IL7: variants seen among roughly 807,000 people sequenced by gnomAD.
The protein encoded by IL7 is interleukin-7.
A neutral mutation model predicts 21.6 loss-of-function variants in IL7; 3 were observed. The ratio of observed to expected loss-of-function variants is 0.14; its 90% CI spans 0.06 to 0.36. IL7 has a LOEUF of 0.36. Ranked by LOEUF, IL7 falls within the 10% of genes least tolerant of loss-of-function variation. The pLI, the probability that IL7 is intolerant of heterozygous loss-of-function variation, is 1.00. For missense variants in IL7, 175 were observed against 200.2 expected (o/e 0.87, Z 0.76); for synonymous variants, 62 against 68.1 (o/e 0.91, Z 0.44).
chr8:78,780,042 C>G (rs1455766301), intron 2 of IL7, among the ~76,000 whole-genome samples: 1 of 152,066 alleles, frequency 6.6e-6, no homozygotes, highest in Non-Finnish European at 1.5e-5. Flanking sequence ...TTATGGTATT[C>G]TCTGATGGTT....
At chr8:78,710,878 C>T (rs968962299) in intron 3 of IL7, among the ~76,000 whole-genome samples, 3 of 152,062 alleles carry the variant, frequency 2.0e-5, no homozygotes, top group African/African-American at 7.2e-5. Flanking sequence ...AACAAAATGC[C>T]TGCTATGTAT....
chr8:78,755,104 A>T (rs1263962222), intron 2 of IL7, among the ~76,000 whole-genome samples: 1 of 151,880 alleles, frequency 6.6e-6, no homozygotes, highest in Non-Finnish European at 1.5e-5. Flanking sequence ...TTTCCCATGT[A>T]TGTTCTTTCA....
At chr8:78,675,676 T>A, downstream of IL7, 10 of 1,019,360 alleles carry the variant, frequency 9.8e-6, no homozygotes, top group South Asian at 1.7e-4. Context: ...CAGTAAAACA[T>A]TTTTCACAAA....
At chr8:78,785,372 A>G (rs1387149611) in intron 2 of IL7, among the ~76,000 whole-genome samples, 3 of 152,064 alleles carry the variant, frequency 2.0e-5, no homozygotes, top group South Asian at 2.1e-4. Context: ...ACTGTTTGGT[A>G]TTTGTATTTT....
rs188735718 is a variant in IL7, at chr8:78,750,532, C to G, written c.148-10450G>C. 2.4e-3 allele frequency among the ~76,000 whole-genome samples: 369 copies of G among 152,240 alleles called. 2 individuals carry two copies. Among genetic ancestry groups the G allele is most frequent in the African/African-American group, 8.3e-3 (344 of 41,558 alleles). On this transcript the variant is annotated intron_variant, in intron 2 of 5. Transcript: ENST00000263851. ...TCAGAACAGAAATCTTTTTAAAAGT[C>G]TATGATTGAGGCCAGGCGTGGTGGC...
intron 3 of IL7, among the ~76,000 whole-genome samples, chr8:78,700,559 C>A (rs561102357): frequency 5.9e-5 from 9 of 152,148 alleles, no homozygotes; most frequent in African/African-American, 2.2e-4. Flanking sequence ...CTTTTGGCAT[C>A]TTCATTATAA....
intron 4 of IL7, among the ~76,000 whole-genome samples, chr8:78,682,996 T>A (rs1435126484): frequency 1.3e-5 from 2 of 152,228 alleles, no homozygotes; most frequent in Non-Finnish European, 2.9e-5. Flanking sequence ...TTTGACTCCA[T>A]GTCTCACATC....
downstream of IL7, among the ~76,000 whole-genome samples, chr8:78,714,630 C>T (rs921113124): frequency 2.0e-5 from 3 of 152,064 alleles, no homozygotes; most frequent in African/African-American, 7.2e-5. Flanking sequence ...CTTAAAGTTT[C>T]AAAATGGAGA....
chr8:78,762,211 A>G, intron 2 of IL7: 3 of 1,585,056 alleles, frequency 1.9e-6, no homozygotes, highest in Non-Finnish European at 2.6e-6. Flanking sequence ...CTGTCCTATA[A>G]GGACCAGTTC....
chr8:78,775,029 A>G (rs1215028469), intron 2 of IL7, among the ~76,000 whole-genome samples: 1 of 152,150 alleles, frequency 6.6e-6, no homozygotes, highest in Non-Finnish European at 1.5e-5. Flanking sequence ...CCATTCTTTA[A>G]CTTGTGTAAA....
chr8:78,689,664 A>G (rs1481960774), intron 3 of IL7, among the ~76,000 whole-genome samples: 2 of 151,938 alleles, frequency 1.3e-5, no homozygotes, highest in Non-Finnish European at 2.9e-5. Flanking sequence ...ATATATATGT[A>G]TACATGTTTT....
chr8:78,675,979 A>G (rs1453568877), exon 5 of IL7: 1 of 784,826 alleles, frequency 1.3e-6, no homozygotes, highest in Non-Finnish European at 2.0e-6. Context: ...GTTAATGGGT[A>G]CTATTCTTTG....
chr8:78,704,463 T>C (rs944478991), intron 3 of IL7, among the ~76,000 whole-genome samples: 1 of 151,200 alleles, frequency 6.6e-6, no homozygotes, highest in African/African-American at 2.4e-5. Flanking sequence ...CACTGAGAGG[T>C]CTGCTGTTAG....
At position 78,804,893 on chromosome 8, in the gene IL7, C is replaced by G. The variant is rs1814262876; in HGVS notation, c.10+20G>C. ...CGCGTCGGGCGCGCGAACTTGTGCG[C>G]AAGGGAGAAGAGCGCTTACCATGGA... On this transcript the variant is annotated intron_variant, in intron 1 of 5. Transcript: ENST00000263851. The G allele has an allele frequency of 6.2e-7, 1 of 1,612,940 alleles. No individual in the cohort carries two copies.
At chr8:78,796,947 G>A (rs9942766) in intron 2 of IL7, among the ~76,000 whole-genome samples, 26,043 of 151,856 alleles carry the variant, frequency 0.17, 3,252 homozygotes, top group African/African-American at 0.34. Flanking sequence ...AACCCTGCAC[G>A]TATATGTTTA....
intron 2 of IL7, among the ~76,000 whole-genome samples, chr8:78,788,722 T>G (rs1813592428): frequency 6.6e-6 from 1 of 152,206 alleles, no homozygotes; most frequent in Admixed American, 6.5e-5. Flanking sequence ...AAGTATTTTA[T>G]AACTGTCAAT....
At chr8:78,726,136 G>A (rs1237671998) in intron 3 of IL7, among the ~76,000 whole-genome samples, 1 of 151,910 alleles carries the variant, frequency 6.6e-6, no homozygotes. Flanking sequence ...TAGATAGAGT[G>A]TTCAGGGATG....
At chr8:78,687,502 T>G (rs1384923144) in intron 3 of IL7, among the ~76,000 whole-genome samples, 1 of 142,944 alleles carries the variant, frequency 7.0e-6, no homozygotes, top group Non-Finnish European at 1.5e-5. Context: ...GTTTATATAA[T>G]AAATTATATA....
At chr8:78,695,199 G>A (rs1007432339) in intron 3 of IL7, among the ~76,000 whole-genome samples, 33 of 152,270 alleles carry the variant, frequency 2.2e-4, no homozygotes, top group Middle Eastern at 3.4e-3. Flanking sequence ...ATATAAGTAA[G>A]GTTGTTCTAG....
Sources: allele counts gnomAD v4.1 joint callset (sites outside exome capture counted in the v4.1 genomes callset), GRCh38; gene constraint gnomAD v4.1.1; transcripts MANE v1.5; gene names NCBI Gene and HGNC (gene_info 2026-07-23, HGNC 2026-07-21).